Variants in GPC5 observed in about 807,000 individuals in gnomAD.
GPC5 encodes glypican 5.
GPC5 carries 47 observed loss-of-function variants against 53.9 expected under a neutral mutation model. That is an observed-to-expected ratio of 0.87 (90% confidence interval 0.69 to 1.11). The LOEUF (loss-of-function observed/expected upper bound fraction) is 1.11. GPC5 is among the 50% of genes most tolerant of loss of function. The pLI is 0.00. For missense variants in GPC5, 748 were observed against 713.1 expected (o/e 1.05, Z -0.56); for synonymous variants, 286 against 263.3 (o/e 1.09, Z -0.84).
intron 7 of GPC5, chr13:92,240,263 A>G (rs908362385): frequency 2.6e-5 from 4 of 152,014 alleles, no homozygotes; most frequent in African/African-American, 4.8e-5. Flanking sequence ...TTGGGAAACA[A>G]AGGAACTTCA....
chr13:92,187,721 A>C (rs1387236167), intron 7 of GPC5, among the ~76,000 whole-genome samples: 6 of 152,216 alleles, frequency 3.9e-5, no homozygotes, highest in Non-Finnish European at 7.3e-5. Context: ...GAATAATTTT[A>C]CTTTTGTCAT....
chr13:92,071,841 A>T (rs1341973472), intron 6 of GPC5, among the ~76,000 whole-genome samples: 2 of 147,568 alleles, frequency 1.4e-5, no homozygotes, highest in Non-Finnish European at 3.0e-5. Flanking sequence ...TTATTCATAT[A>T]TATATAACGA....
chr13:91,827,387 G>A (rs1325810486), intron 5 of GPC5, among the ~76,000 whole-genome samples: 1 of 151,916 alleles, frequency 6.6e-6, no homozygotes, highest in Non-Finnish European at 1.5e-5. Context: ...TATGCACACA[G>A]GCACGAATTG....
chr13:91,516,994 T>C (rs991844458), intron 2 of GPC5, among the ~76,000 whole-genome samples: 2 of 152,072 alleles, frequency 1.3e-5, no homozygotes, highest in African/African-American at 4.8e-5. Context: ...GCACACAACA[T>C]GGGGACCCTG....
intron 5 of GPC5, among the ~76,000 whole-genome samples, chr13:91,854,246 T>A (rs2038943976): frequency 6.6e-6 from 1 of 151,860 alleles, no homozygotes; most frequent in African/African-American, 2.4e-5. Flanking sequence ...TCTTCCTTTT[T>A]TATTTTCAGT....
intron 7 of GPC5, among the ~76,000 whole-genome samples, chr13:92,853,947 A>G (rs72642619): frequency 0.022 from 3,404 of 152,030 alleles, 62 homozygotes; most frequent in Middle Eastern, 0.082. Flanking sequence ...AACTTGCTGC[A>G]TCTCTACATT....
chr13:91,577,569 A>C (rs2032184939), intron 2 of GPC5, among the ~76,000 whole-genome samples: 1 of 152,056 alleles, frequency 6.6e-6, no homozygotes, highest in South Asian at 2.1e-4. Flanking sequence ...CCTATTGTTG[A>C]CTTTCTTCCT....
At chr13:92,170,026 A>G (rs561054904) in intron 7 of GPC5, among the ~76,000 whole-genome samples, 3 of 152,174 alleles carry the variant, frequency 2.0e-5, no homozygotes, top group African/African-American at 7.2e-5. Context: ...AACAGGAGAA[A>G]TTTTACAAAT....
At chr13:91,756,523 A>G in intron 5 of GPC5, 103 bp downstream of exon 5, 2 of 1,013,668 alleles carry the variant, frequency 2.0e-6, no homozygotes, top group Non-Finnish European at 2.8e-6. Flanking sequence ...CACACAGTTT[A>G]CAGTCTACAT....
intron 7 of GPC5, among the ~76,000 whole-genome samples, chr13:92,682,875 G>A (rs1257392236): frequency 6.6e-6 from 1 of 152,318 alleles, no homozygotes; most frequent in East Asian, 1.9e-4. Flanking sequence ...CTGGCTTTCT[G>A]GGAAGAATGT....
intron 5 of GPC5, among the ~76,000 whole-genome samples, chr13:91,764,475 C>T (rs1239866662): frequency 6.6e-6 from 1 of 152,148 alleles, no homozygotes; most frequent in African/African-American, 2.4e-5. Context: ...TTTACTTTGT[C>T]ACCAGAATAA....
At chr13:92,837,086 C>T (rs1878245559) in intron 7 of GPC5, among the ~76,000 whole-genome samples, 1 of 152,036 alleles carries the variant, frequency 6.6e-6, no homozygotes, top group Non-Finnish European at 1.5e-5. Flanking sequence ...GAAAACCTTG[C>T]AAGCTTCCAG....
intron 6 of GPC5, among the ~76,000 whole-genome samples, chr13:92,018,525 G>T (rs1170413245): frequency 1.3e-5 from 2 of 152,016 alleles, no homozygotes; most frequent in Non-Finnish European, 2.9e-5. Context: ...AACAACACAG[G>T]ATAACCAAAT....
intron 7 of GPC5, among the ~76,000 whole-genome samples, chr13:92,607,700 T>A (rs1884300156): frequency 6.6e-6 from 1 of 152,210 alleles, no homozygotes; most frequent in South Asian, 2.1e-4. Flanking sequence ...TTCAAATATG[T>A]AAACATTGTG....
intron 7 of GPC5, among the ~76,000 whole-genome samples, chr13:92,747,960 A>G (rs1889279529): frequency 6.6e-6 from 1 of 152,204 alleles, no homozygotes; most frequent in Non-Finnish European, 1.5e-5. Flanking sequence ...ACAGTTAAAA[A>G]TTATACATAT....
chr13:92,655,639 T>G (rs942995940), intron 7 of GPC5, among the ~76,000 whole-genome samples: 1 of 152,128 alleles, frequency 6.6e-6, no homozygotes. Context: ...CCGCACCTGT[T>G]CGGTTGCCAC....
chr13:92,610,086 C>T (rs950630732), intron 7 of GPC5, among the ~76,000 whole-genome samples: 2 of 148,148 alleles, frequency 1.3e-5, no homozygotes, highest in African/African-American at 4.9e-5. Context: ...CTTAACATTT[C>T]CTTAAAGTTG....
intron 7 of GPC5, among the ~76,000 whole-genome samples, chr13:92,569,669 G>A (rs1882963161): frequency 1.3e-5 from 2 of 152,032 alleles, no homozygotes; most frequent in Admixed American, 1.3e-4. Context: ...CCCTAACAAA[G>A]CAAAAGTAAA....
chr13:92,233,547 A>G (rs555994974), intron 7 of GPC5, among the ~76,000 whole-genome samples: 1 of 152,304 alleles, frequency 6.6e-6, no homozygotes, highest in African/African-American at 2.4e-5. Context: ...TTGACATAAG[A>G]CAGAATAAAA....
Sources: allele counts gnomAD v4.1 joint callset (sites outside exome capture counted in the v4.1 genomes callset), GRCh38; gene constraint gnomAD v4.1.1; transcripts MANE v1.5; gene names NCBI Gene and HGNC (gene_info 2026-07-23, HGNC 2026-07-21).